Variants in SYN3 observed in about 807,000 individuals in gnomAD.
SYN3 encodes the protein synapsin III, also known as synapsin-3.
SYN3 carries 35 observed loss-of-function variants against 65.8 expected under a neutral mutation model. That is an observed-to-expected ratio of 0.53 (90% CI 0.41 to 0.70). The LOEUF (loss-of-function observed/expected upper bound fraction) is 0.70, where lower values mean the gene tolerates loss of function less well. Ranked by LOEUF, SYN3 falls within the 30% of genes least tolerant of loss-of-function variation. The pLI is 0.00. For synonymous variants in SYN3, 270 were observed against 292.9 expected, an observed-to-expected ratio of 0.92 and a Z score of 0.80; for missense variants, 680 against 749.0, an observed-to-expected ratio of 0.91 and a Z score of 1.08.
chr22:32,708,913 T>G (rs1221389653), intron 6 of SYN3, among the ~76,000 whole-genome samples: 2 of 152,238 alleles, frequency 1.3e-5, no homozygotes, highest in African/African-American at 4.8e-5. Flanking sequence ...TGCCGCAGGC[T>G]GCACAGCCCA....
At chr22:32,699,861 G>T (rs1449216593) in intron 6 of SYN3, among the ~76,000 whole-genome samples, 1 of 152,074 alleles carries the variant, frequency 6.6e-6, no homozygotes, top group Non-Finnish European at 1.5e-5. Flanking sequence ...GCACCTTGAG[G>T]CAAGGTCTAT....
chr22:32,872,580 T>C (rs191119020), intron 4 of SYN3, among the ~76,000 whole-genome samples: 2 of 152,254 alleles, frequency 1.3e-5, no homozygotes, highest in Admixed American at 1.3e-4. Flanking sequence ...AAACCAGGCA[T>C]GTGTTATAGA....
rs922519510 is a variant in SYN3, at chr22:32,622,156, A to G, written c.712-25420T>C. ...GCTTCGTAAATAGCTTTCGAAAACC[A>G]GCCGACTGGAAAAGTCCACTTTGTC... On this transcript the variant is annotated intron_variant, in intron 6 of 13. Transcript: ENST00000358763. 2.0e-5 allele frequency among the ~76,000 whole-genome samples: 3 copies of G among 152,024 alleles called. No homozygotes were observed. In the East Asian group the frequency reaches 5.8e-4, roughly 30 times the overall value.
Position 32,653,880 on chromosome 22 carries a change from C to T in SYN3, c.712-57144G>A, listed in dbSNP as rs146877386. On this transcript the variant is annotated intron_variant, in intron 6 of 13. Coordinates refer to ENST00000358763, the MANE Select transcript of SYN3 (RefSeq NM_003490.4). ...CAATAAAGGTATCTCCTCTCTCTCC[C>T]TGCTTCCTTTCCAGCCTTTTGAAGT... 2.6e-5 allele frequency among the ~76,000 whole-genome samples: 4 copies of T among 152,344 alleles called. No individual in the cohort carries two copies. The East Asian group carries it at 7.7e-4, about 29-fold the overall frequency.
At chr22:32,578,397 C>T (rs2058886178) in intron 7 of SYN3, among the ~76,000 whole-genome samples, 1 of 152,044 alleles carries the variant, frequency 6.6e-6, no homozygotes, top group African/African-American at 2.4e-5. Flanking sequence ...CAGGTGTGCA[C>T]CACCACACCT....
chr22:32,615,432 T>TAA (rs1190319833), intron 6 of SYN3, among the ~76,000 whole-genome samples: 1 of 74,412 alleles, frequency 1.3e-5, no homozygotes, highest in Admixed American at 1.6e-4. Flanking sequence ...AGACTTCATC[T>TAA]AAAAAAAAAA....
chr22:32,665,347 C>T (rs1318315824), intron 6 of SYN3, among the ~76,000 whole-genome samples: 6 of 702 alleles, frequency 8.5e-3, no homozygotes, highest in African/African-American at 0.057. Flanking sequence ...CTAGCTCCTA[C>T]TGATGAGTGA....
In SYN3 at chr22:32,980,700, G is replaced by A. The variant is rs777539872; in HGVS notation, c.314C>T (p.Ser105Leu). 8 of 1,613,674 alleles carry A rather than the reference G, an allele frequency of 5.0e-6. No individual in the cohort carries two copies. In the African/African-American group the frequency reaches 5.3e-5, roughly 11 times the overall value. ...LVIDDAHTDW[S>L]KYFHGKKVNG... ...CACCTTCTTCCCATGGAAATACTTC[G>A]ACCTGTAAAGGGGAAGAAATCAGCT... The change falls in exon 3 of 14, where the codon TCG becomes TTG. Residue 105 changes from serine to leucine, a missense_variant and splice_region_variant. Coordinates refer to ENST00000358763, the MANE Select transcript of SYN3 (RefSeq NM_003490.4).
chr22:32,554,047 C>T lies in SYN3; in HGVS notation c.775-12334G>A, dbSNP rs1179145654. Among the ~76,000 whole-genome samples the T allele has an allele frequency of 4.3e-4, 66 of 152,184 alleles. 2 individuals are homozygous for T. The highest frequency in any genetic ancestry group is 4.3e-3 in the Admixed American group (66 of 15,278). ...TCATCTCCTTTGAAAATTCCCCTTG[C>T]CCAGGCCAAATGTCAGGCTTATTTC... On this transcript the variant is annotated intron_variant, in intron 7 of 13. Transcript: ENST00000358763.
intron 10 of SYN3, 132 bp downstream of exon 10, chr22:32,533,661 C>T (rs1451221278): frequency 5.1e-6 from 3 of 590,058 alleles, no homozygotes; most frequent in Non-Finnish European, 9.1e-6. Context: ...AAGCAACTCA[C>T]TGAGGCCTGG....
chr22:32,731,990 T>G (rs1259019937), intron 6 of SYN3, among the ~76,000 whole-genome samples: 1 of 152,228 alleles, frequency 6.6e-6, no homozygotes, highest in African/African-American at 2.4e-5. Context: ...TTGAGGCGAC[T>G]GAGAAAATGC....
intron 7 of SYN3, among the ~76,000 whole-genome samples, chr22:32,569,555 CTCTCTCTCTCTCTCTCTATA>C (rs71320936): frequency 0.2 from 22,197 of 109,700 alleles, 2,070 homozygotes; most frequent in East Asian, 0.38. Context: ...CTCTCTCTCT[CTCTCTCTCTCTCTCTCTATA>C]TATATATATA....
chr22:32,878,652 A>G lies in SYN3; in HGVS notation c.462-9527T>C, dbSNP rs116743437. On this transcript the variant is annotated intron_variant, in intron 4 of 13. Transcript: ENST00000358763. ...CACTCTCTGTTTTCATATAAAGCAC[A>G]TAAGAATATCCTTCATTTCCACAAT... Among the ~76,000 whole-genome samples, 1,486 of 152,354 alleles carry G rather than the reference A, an allele frequency of 9.8e-3. 25 individuals carry two copies. Among genetic ancestry groups the G allele is most frequent in the African/African-American group, 0.034 (1,399 of 41,586 alleles).
chr22:32,794,143 G>C (rs181392020), intron 6 of SYN3, among the ~76,000 whole-genome samples: 1 of 152,334 alleles, frequency 6.6e-6, no homozygotes, highest in East Asian at 1.9e-4. Context: ...CAAAGCTTTT[G>C]CTTCCATGAA....
At chr22:32,889,159 G>A (rs1308275249) in intron 4 of SYN3, among the ~76,000 whole-genome samples, 3 of 152,172 alleles carry the variant, frequency 2.0e-5, no homozygotes, top group South Asian at 2.1e-4. Flanking sequence ...GGTGGAGGCC[G>A]CAGGACAGAG....
intron 4 of SYN3, among the ~76,000 whole-genome samples, chr22:32,906,490 T>A (rs903079521): frequency 6.6e-6 from 1 of 152,162 alleles, no homozygotes; most frequent in African/African-American, 2.4e-5. Context: ...ATAGTAAATA[T>A]ATTAATATCT....
intron 7 of SYN3, among the ~76,000 whole-genome samples, chr22:32,541,944 G>A (rs891778509): frequency 1.3e-5 from 2 of 152,110 alleles, no homozygotes; most frequent in African/African-American, 4.8e-5. Context: ...GAGGAGGTGA[G>A]CTCTGAACTG....
chr22:32,947,435 C>T (rs11703516), intron 3 of SYN3: 1 of 152,074 alleles, frequency 6.6e-6, no homozygotes, highest in African/African-American at 2.4e-5. Flanking sequence ...TTATATTTTA[C>T]AGATGAATGG....
chr22:32,555,262 T>C (rs897903324), intron 7 of SYN3, among the ~76,000 whole-genome samples: 3 of 152,164 alleles, frequency 2.0e-5, no homozygotes, highest in African/African-American at 4.8e-5. Context: ...TGAAGGCTAA[T>C]AGGGAATAAT....
Sources: allele counts gnomAD v4.1 joint callset (sites outside exome capture counted in the v4.1 genomes callset), GRCh38; gene constraint gnomAD v4.1.1; transcripts MANE v1.5; gene names NCBI Gene and HGNC (gene_info 2026-07-23, HGNC 2026-07-21).